Variants in MPND observed in about 807,000 individuals in gnomAD.
MPND encodes MPN domain-containing protein.
Under a neutral mutation model 59.2 loss-of-function variants are expected in MPND, and 56 were observed. The observed-to-expected ratio is 0.95, with a 90% confidence interval of 0.76 to 1.18. The LOEUF is 1.18. MPND is among the 50% of genes most tolerant of loss of function. MPND has a pLI of 0.00. For missense variants in MPND, 671 were observed against 676.0 expected (o/e 0.99, Z 0.08); for synonymous variants, 323 against 291.9 (o/e 1.11, Z -1.09).
intron 3 of MPND, among the ~76,000 whole-genome samples, chr19:4,352,622 T>C (rs1355425701): frequency 1.3e-5 from 2 of 151,980 alleles, no homozygotes; most frequent in Non-Finnish European, 2.9e-5. Context: ...AGGCAGAAGT[T>C]GCAGTGAGCC....
chr19:4,355,311 C>A, intron 8 of MPND, 138 bp downstream of exon 8: 1 of 766,544 alleles, frequency 1.3e-6, no homozygotes, highest in Non-Finnish European at 2.1e-6. Flanking sequence ...GCTTGGGACC[C>A]CATGGTGAAG....
At chr19:4,359,074 G>C in intron 11 of MPND, 89 bp from the exon 12 acceptor site, 1 of 848,458 alleles carries the variant, frequency 1.2e-6, no homozygotes, top group Non-Finnish European at 2.0e-6. Context: ...TCATGTCTCA[G>C]GGCTGCCTGA....
At chr19:4,355,336 C>CTTT (rs3048292) in intron 8 of MPND, among the ~76,000 whole-genome samples, 163 bp downstream of exon 8, 68,430 of 123,952 alleles carry the variant, frequency 0.55, 19,602 homozygotes, top group East Asian at 0.69. Context: ...AAGAACACTG[C>CTTT]TTTTTTTTTT....
At chr19:4,354,922 G>C in intron 6 of MPND, 27 bp from the exon 7 acceptor site, 1 of 1,565,854 alleles carries the variant, frequency 6.4e-7, no homozygotes, top group African/African-American at 1.3e-5. Flanking sequence ...GCCTGAGCCA[G>C]TCTTTTGCTG....
intron 1 of MPND, 37 bp downstream of exon 1, chr19:4,343,637 G>T (rs977904419): frequency 8.3e-7 from 1 of 1,205,328 alleles, no homozygotes; most frequent in Non-Finnish European, 1.0e-6. Flanking sequence ...CGCGGGGCGC[G>T]GGGCTGCAGG....
rs1319208030 is a variant in MPND at position 4,358,142 on chromosome 19, C to T, written c.1296C>T (p.Ser432=). The change falls in exon 11 of 13, where the codon AGC becomes AGT. Residue 432 remains serine (S), a synonymous_variant. Coordinates refer to ENST00000599840, the MANE Select transcript of MPND (RefSeq NM_001300862.2). The part of the protein sequence containing the change: ...MDVEMAYVQD[S]FLTNDILHEM... ...TGGAGATGGCCTACGTCCAGGACAG[C>T]TTCCTGACCAATGACATCCTTCACG... 6.4e-7 allele frequency: 1 copy of T among 1,551,466 alleles called. No individual in the cohort carries two copies. The highest frequency in any genetic ancestry group is 8.7e-7 in the Non-Finnish European group (1 of 1,146,956).
At chr19:4,349,501 C>T (rs1972266229) in intron 3 of MPND, among the ~76,000 whole-genome samples, 2 of 150,812 alleles carry the variant, frequency 1.3e-5, no homozygotes, top group African/African-American at 4.9e-5. Context: ...CTCAGTGGCT[C>T]AGTGAGTGGG....
chr19:4,352,530 C>T (rs1192318103), intron 3 of MPND, among the ~76,000 whole-genome samples: 3 of 151,848 alleles, frequency 2.0e-5, no homozygotes, highest in African/African-American at 7.2e-5. Flanking sequence ...ACTAAGAATA[C>T]AAAATTAGCT....
At chr19:4,347,792 T>A (rs1041713205) in intron 3 of MPND, 8 of 447,612 alleles carry the variant, frequency 1.8e-5, no homozygotes, top group Non-Finnish European at 2.5e-5. Flanking sequence ...CCTTGACCCT[T>A]CACATGATCC....
chr19:4,352,821 G>A, intron 3 of MPND, 76 bp from the exon 4 acceptor site: 3 of 1,290,316 alleles, frequency 2.3e-6, no homozygotes, highest in Non-Finnish European at 2.0e-6. Context: ...CAAAGGGCTG[G>A]GGTGGGATTT....
intron 2 of MPND, among the ~76,000 whole-genome samples, chr19:4,345,490 C>T (rs1304015354): frequency 6.6e-6 from 1 of 152,116 alleles, no homozygotes; most frequent in Non-Finnish European, 1.5e-5. Flanking sequence ...ACAGACAGAC[C>T]CTATCCCCGA....
At chr19:4,351,197 G>A (rs945551274) in intron 3 of MPND, among the ~76,000 whole-genome samples, 12 of 152,136 alleles carry the variant, frequency 7.9e-5, no homozygotes, top group Non-Finnish European at 1.2e-4. Flanking sequence ...TCCGCCTCCC[G>A]GGTTCAAGTG....
intron 11 of MPND, 143 bp from the exon 12 acceptor site, chr19:4,359,020 A>G: frequency 1.7e-6 from 1 of 593,864 alleles, no homozygotes; most frequent in South Asian, 2.0e-5. Flanking sequence ...CCTCTGGCTA[A>G]GGTCACTCGT....
chr19:4,359,303 C>A, intron 12 of MPND, 48 bp downstream of exon 12: 1 of 1,416,022 alleles, frequency 7.1e-7, no homozygotes, highest in Non-Finnish European at 9.9e-7. Context: ...CCAGGAGAGG[C>A]CCCCTGGGCA....
chr19:4,345,940 C>T lies in MPND; in HGVS notation c.490C>T (p.Arg164Trp), dbSNP rs747245996. 2.5e-5 allele frequency: 41 copies of T among 1,613,158 alleles called. No individual in the cohort carries two copies. Among genetic ancestry groups the T allele is most frequent in the Middle Eastern group, 1.6e-4 (1 of 6,078 alleles). ...GGACAAGTACAAGGCCACCTGGCTC[C>T]GGCTGCACCAGCTGCACACGCCTGC... ...KLDKYKATWL[R>W]LHQLHTPATA... The change falls in exon 3 of 13, where the codon CGG becomes TGG. Residue 164 changes from arginine (R) to tryptophan (W), a missense_variant. Transcript: ENST00000599840.
At chr19:4,358,279 C>CCCCCAAGGCGCCACCA in intron 11 of MPND, 107 bp downstream of exon 11, 1 of 991,290 alleles carries the variant, frequency 1.0e-6, no homozygotes, top group Non-Finnish European at 1.5e-6. Context: ...TGGCTGGTGG[C>CCCCCAAGGCGCCACCA]GCCTTGGGGG....
chr19:4,358,051 A>T (rs1226507461), intron 10 of MPND, 32 bp from the exon 11 acceptor site: 2 of 1,535,382 alleles, frequency 1.3e-6, no homozygotes, highest in South Asian at 2.4e-5. Flanking sequence ...CGGGCTGGTG[A>T]GGCTTCTCTC....
intron 8 of MPND, among the ~76,000 whole-genome samples, chr19:4,355,920 C>G (rs1309059618): frequency 7.0e-6 from 1 of 143,802 alleles, no homozygotes; most frequent in Non-Finnish European, 1.5e-5. Flanking sequence ...AGGGCGCGAT[C>G]TTGGCTCACT....
At chr19:4,357,731 C>A in intron 10 of MPND, 146 bp downstream of exon 10, 1 of 780,564 alleles carries the variant, frequency 1.3e-6, no homozygotes, top group Non-Finnish European at 2.0e-6. Context: ...GTGACTGCTG[C>A]CCTGCCCATA....
Sources: allele counts gnomAD v4.1 joint callset (sites outside exome capture counted in the v4.1 genomes callset), GRCh38; gene constraint gnomAD v4.1.1; transcripts MANE v1.5; gene names NCBI Gene and HGNC (gene_info 2026-07-23, HGNC 2026-07-21).